The following ODR4 variants were observed in gnomAD, a reference collection of about 807,000 sequenced individuals.
The protein encoded by ODR4 is protein odr-4 homolog.
A neutral mutation model predicts 60.2 loss-of-function variants in ODR4; 47 were observed. That is an observed-to-expected ratio of 0.78 (90% confidence interval 0.62 to 1.00). The LOEUF (loss-of-function observed/expected upper bound fraction) is 1.00. Among genes scored for constraint, ODR4 ranks in the 50% least tolerant of loss-of-function variants. The pLI is 0.00. For synonymous variants in ODR4, 178 were observed against 175.5 expected (o/e 1.01, Z -0.11); for missense variants, 488 against 530.8 (o/e 0.92, Z 0.79).
At chr1:186,384,608 A>ATG (rs1660181927) in intron 3 of ODR4, among the ~76,000 whole-genome samples, 1 of 119,494 alleles carries the variant, frequency 8.4e-6, no homozygotes, top group Non-Finnish European at 1.8e-5. Flanking sequence ...CACACACAGA[A>ATG]TATTAATGAA....
rs1019782445 is a variant in ODR4, at chr1:186,421,322, A to G, written c.*2246A>G. On this transcript the variant is annotated 3_prime_UTR_variant, in exon 14 of 14. Transcript: ENST00000287859. ...ATAAAACAATTATAATGAAGTGTTT[A>G]TAAGAAATTGTAAACAAATGTAAAA... is the stretch of plus-strand genomic sequence containing the variant. The G allele has an allele frequency of 2.0e-5, 3 of 152,260 alleles. No homozygotes were observed. The highest frequency in any genetic ancestry group is 7.2e-5 in the African/African-American group (3 of 41,470). The allele number at this position is 152,260 out of a possible 1,614,324, so 9.4% of individuals were successfully genotyped here.
Position 186,375,861 on chromosome 1 carries a change from G to C in ODR4, c.-133G>C, listed in dbSNP as rs1024854877. The C allele has an allele frequency of 9.6e-6, 2 of 208,074 alleles. No homozygotes were observed. Among genetic ancestry groups the C allele is most frequent in the South Asian group, 1.1e-4 (2 of 18,104 alleles). The allele number at this position is 208,074 out of a possible 1,614,324, so 12.9% of individuals were successfully genotyped here. On this transcript the variant is annotated 5_prime_UTR_variant, in exon 1 of 14. An upstream open reading frame in the 5' UTR loses its in-frame stop. Coordinates refer to ENST00000287859, the MANE Select transcript of ODR4 (RefSeq NM_017847.6). Reference sequence around the variant, plus strand: ...CTGATGAATTCAGTGGCAGTGAATTGAGACCGGAGGGAATCTGGCCCCTAG... The same window carrying C: ...CTGATGAATTCAGTGGCAGTGAATTCAGACCGGAGGGAATCTGGCCCCTAG...
At chr1:186,426,778 A>C in the ODR4 span, among the ~76,000 whole-genome samples, 2 of 152,212 alleles carry the variant, frequency 1.3e-5, no homozygotes, top group Non-Finnish European at 2.9e-5. Flanking sequence ...AAGATTGAAA[A>C]TATAATCATA....
Position 186,419,703 on chromosome 1 carries a change from C to T in ODR4, c.*627C>T, listed in dbSNP as rs1661710824. On this transcript the variant is annotated 3_prime_UTR_variant, in exon 14 of 14. Coordinates refer to ENST00000287859, the MANE Select transcript of ODR4 (RefSeq NM_017847.6). ...CTCCAGCCTGGGTGACAAAATGAGA[C>T]ATTGTCTCTAAAATACATAAGTAAA... The T allele has an allele frequency of 1.3e-5, 2 of 151,872 alleles. No individual in the cohort carries two copies. Among genetic ancestry groups the T allele is most frequent in the African/African-American group, 4.8e-5 (2 of 41,358 alleles). 9.4% of individuals were successfully genotyped at this position (151,872 alleles called of 1,614,324 possible).
At chr1:186,400,744 C>T in intron 11 of ODR4, 1 of 268,188 alleles carries the variant, frequency 3.7e-6, no homozygotes. Context: ...CTATGATTGG[C>T]AGATTTAACA....
intron 1 of ODR4, among the ~76,000 whole-genome samples, 196 bp from the exon 2 acceptor site, chr1:186,379,571 G>T (rs1157699685): frequency 6.6e-6 from 1 of 151,918 alleles, no homozygotes. Context: ...GTTGTTTCCT[G>T]CTGCATTGTA....
rs752881893 is a variant in ODR4, at chr1:186,386,099, C to T, written c.330+16C>T. The stretch of plus-strand genomic sequence containing the variant: ...CCTGCGTAGAGTAAGTTTGATATAT[C>T]GAAAATTCTTAATGAAATCAGTTAT... On this transcript the variant is annotated intron_variant, in intron 4 of 13. Coordinates refer to ENST00000287859, the MANE Select transcript of ODR4 (RefSeq NM_017847.6). 1.7e-5 allele frequency: 24 copies of T among 1,431,646 alleles called. No homozygotes were observed. The highest frequency in any genetic ancestry group is 1.0e-4 in the African/African-American group (7 of 69,774). The allele number at this position is 1,431,646 out of a possible 1,614,324, so 88.7% of individuals were successfully genotyped here.
Position 186,379,877 on chromosome 1 carries a change from T to C in ODR4, c.92T>C (p.Ile31Thr). ...QGKAFVSGLL[I>T]GQCSSQKDYV... Reference sequence around the variant, plus strand: ...AAGGCTTTTGTCTCTGGCCTTTTAATAGGACAGGTATGTATCTTTTACTCT... The same window carrying C: ...AAGGCTTTTGTCTCTGGCCTTTTAACAGGACAGGTATGTATCTTTTACTCT... Residue 31 changes from isoleucine (I) to threonine (T), a missense_variant, in exon 2 of 14, where the codon ATA becomes ACA. Ile to Thr is a moderately conservative substitution (Grantham distance 89, BLOSUM62 -1). Coordinates refer to ENST00000287859, the MANE Select transcript of ODR4 (RefSeq NM_017847.6). 1 of 1,572,648 alleles carries C rather than the reference T, an allele frequency of 6.4e-7. No homozygotes were observed. The highest frequency in any genetic ancestry group is 1.1e-5 in the South Asian group (1 of 87,374).
At position 186,398,344 on chromosome 1, in the gene ODR4, C is replaced by T; in HGVS notation, c.812C>T (p.Thr271Ile). The T allele has an allele frequency of 1.9e-6, 3 of 1,605,180 alleles. No homozygotes were observed. The highest frequency in any genetic ancestry group is 2.3e-5 in the East Asian group (1 of 44,386). ...LLNSDHRSTA[T>I]VQICSGSVNL... ...AATTCAGACCACAGATCCACAGCCA[C>T]AGTCCAGATATGTAGCGGTTCTGTA... The change falls in exon 10 of 14, where the codon ACA becomes ATA. Residue 271 changes from threonine (T) to isoleucine (I), a missense_variant. By Grantham distance (89) the Thr-to-Ile change is moderately conservative. Coordinates refer to ENST00000287859, the MANE Select transcript of ODR4 (RefSeq NM_017847.6).
At chr1:186,401,039 G>GC in intron 11 of ODR4, 2 of 1,589,226 alleles carry the variant, frequency 1.3e-6, no homozygotes, top group Non-Finnish European at 1.7e-6. Context: ...TTCAGGATTT[G>GC]CAGGGTATGG....
chr1:186,424,378 A>C (rs1168571699), downstream of ODR4, among the ~76,000 whole-genome samples: 10 of 152,240 alleles, frequency 6.6e-5, no homozygotes, highest in Non-Finnish European at 1.5e-4. Flanking sequence ...TAAAGGAGTC[A>C]TAAAACTCAG....
At chr1:186,382,608 CTTG>C (rs1208563506) in intron 2 of ODR4, among the ~76,000 whole-genome samples, 6 of 152,196 alleles carry the variant, frequency 3.9e-5, no homozygotes, top group Admixed American at 2.0e-4. Context: ...CAAAAGGTCA[CTTG>C]TTGTTTCATT....
downstream of ODR4, among the ~76,000 whole-genome samples, chr1:186,425,664 C>T (rs1420833209): frequency 6.6e-6 from 1 of 152,178 alleles, no homozygotes. Context: ...AAAATGTGCT[C>T]ATAAGATTCT....
At chr1:186,401,530 T>G (rs1660950408) in intron 11 of ODR4, 1 of 183,686 alleles carries the variant, frequency 5.4e-6, no homozygotes, top group Non-Finnish European at 1.2e-5. Flanking sequence ...CCTTCCTTCC[T>G]TCCTCTCTTT....
Position 186,417,670 on chromosome 1 carries a change from T to A in ODR4, c.1297+16T>A. 1 of 1,281,936 alleles carries A rather than the reference T, an allele frequency of 7.8e-7. No homozygotes were observed. Among genetic ancestry groups the A allele is most frequent in the Non-Finnish European group, 1.1e-6 (1 of 900,796 alleles). 79.4% of individuals were successfully genotyped at this position (1,281,936 alleles called of 1,614,324 possible). On this transcript the variant is annotated intron_variant, in intron 13 of 13. Coordinates refer to ENST00000287859, the MANE Select transcript of ODR4 (RefSeq NM_017847.6). ...CAAAACATAGGTATTTAATTTTACT[T>A]CTTTTATAACACTGAAAACATATTT...
intron 12 of ODR4, among the ~76,000 whole-genome samples, chr1:186,412,743 C>T (rs868017187): frequency 1.4e-4 from 22 of 151,990 alleles, no homozygotes; most frequent in African/African-American, 4.8e-4. Flanking sequence ...TAAAACTAAC[C>T]TTAAAGAAGT....
At chr1:186,376,486 C>T (rs1271859763) in intron 1 of ODR4, among the ~76,000 whole-genome samples, 1 of 152,194 alleles carries the variant, frequency 6.6e-6, no homozygotes, top group Non-Finnish European at 1.5e-5. Flanking sequence ...TGTCGTCTCT[C>T]TGCAGTTCCC....
rs187756174 is a variant in ODR4 at position 186,378,173 on chromosome 1, T to C, written c.-19-1594T>C. On this transcript the variant is annotated intron_variant, in intron 1 of 13. Transcript: ENST00000287859. ...TCAGACTTGAATCCATTCTCTGGGC[T>C]TTAGTTTTAAAATGCAAAACCGTTT... 1.0e-3 allele frequency among the ~76,000 whole-genome samples: 158 copies of C among 152,326 alleles called. 5 individuals carry two copies. The highest frequency in any genetic ancestry group is 1.3e-4 in the Non-Finnish European group (9 of 68,022).
intron 9 of ODR4, among the ~76,000 whole-genome samples, chr1:186,396,385 G>A (rs910623104): frequency 2.0e-5 from 3 of 152,168 alleles, no homozygotes; most frequent in Non-Finnish European, 4.4e-5. Flanking sequence ...TAGGCAGGGT[G>A]ATCGCTTGAG....
Sources: gnomAD v4.1 joint callset for allele counts (sites outside exome capture counted in the v4.1 genomes callset) on GRCh38, gnomAD v4.1.1 for gene constraint, MANE v1.5 for transcripts, NCBI Gene and HGNC (gene_info 2026-07-23, HGNC 2026-07-21) for gene names.